Variants in PTAR1 observed in about 807,000 individuals in gnomAD.
The protein encoded by PTAR1 is protein prenyltransferase alpha subunit repeat-containing protein 1.
PTAR1 carries 17 observed loss-of-function variants against 45.5 expected under a neutral mutation model. The observed-to-expected ratio is 0.37, with a 90% CI of 0.26 to 0.56. The LOEUF (loss-of-function observed/expected upper bound fraction) is 0.56, where lower values mean the gene tolerates loss of function less well. PTAR1 is among the 20% of genes least tolerant of loss of function. PTAR1 has a pLI of 0.77. For synonymous variants in PTAR1, 169 were observed against 171.3 expected (o/e 0.99, Z 0.11); for missense variants, 391 against 476.3 (o/e 0.82, Z 1.67).
chr9:69,724,389 T>C (rs1159031177), intron 5 of PTAR1, among the ~76,000 whole-genome samples: 1 of 152,212 alleles, frequency 6.6e-6, no homozygotes, highest in African/African-American at 2.4e-5. Flanking sequence ...AATAATTTAT[T>C]TGAGAGTGTC....
At chr9:69,724,407 G>A (rs1307384269) in intron 5 of PTAR1, among the ~76,000 whole-genome samples, 1 of 152,156 alleles carries the variant, frequency 6.6e-6, no homozygotes, top group Non-Finnish European at 1.5e-5. Flanking sequence ...GTCTTGGACA[G>A]GTCGCAAACA....
chr9:69,739,320 C>T (rs1166197838), intron 3 of PTAR1, among the ~76,000 whole-genome samples: 3 of 150,866 alleles, frequency 2.0e-5, no homozygotes, highest in Non-Finnish European at 2.9e-5. Context: ...ACTCTAAGTA[C>T]ATAGACTGAT....
Position 69,732,309 on chromosome 9 carries a change from A to C in PTAR1, c.472T>G (p.Ser158Ala). The change falls in exon 5 of 8, where the codon TCC becomes GCC. Residue 158 changes from serine to alanine, a missense_variant. Coordinates refer to ENST00000340434, the MANE Select transcript of PTAR1 (RefSeq NM_001099666.2). ...QQLIQETSLP[S>A]FVTKGNLGTI... is the part of the protein sequence containing the mutation. ...CCCAAGTTTCCTTTGGTCACAAAGG[A>C]AGGCAAGGAGGTTTCCTGAATTAGC... The C allele has an allele frequency of 6.2e-7, 1 of 1,613,924 alleles. No individual in the cohort carries two copies. Among genetic ancestry groups the C allele is most frequent in the Non-Finnish European group, 8.5e-7 (1 of 1,179,820 alleles).
At chr9:69,744,944 T>C (rs1439755095) in intron 2 of PTAR1, among the ~76,000 whole-genome samples, 1 of 152,112 alleles carries the variant, frequency 6.6e-6, no homozygotes, top group East Asian at 1.9e-4. Context: ...CTTAAAGCCA[T>C]ACTACCTGGG....
At chr9:69,749,588 G>A (rs751737271) in intron 2 of PTAR1, among the ~76,000 whole-genome samples, 1 of 151,934 alleles carries the variant, frequency 6.6e-6, no homozygotes, top group Non-Finnish European at 1.5e-5. Context: ...ATATAACAAA[G>A]GACTGAGTGA....
intron 1 of PTAR1, among the ~76,000 whole-genome samples, chr9:69,751,745 C>G (rs1826545034): frequency 6.6e-6 from 1 of 151,816 alleles, no homozygotes; most frequent in African/African-American, 2.4e-5. Flanking sequence ...ATTTTTTCTT[C>G]TTTATATTTT....
Position 69,738,802 on chromosome 9 carries a change from C to T in PTAR1, c.323+2990G>A, listed in dbSNP as rs529203896. 5.7e-3 allele frequency among the ~76,000 whole-genome samples: 741 copies of T among 130,188 alleles called. 8 individuals are homozygous for T. Among genetic ancestry groups the T allele is most frequent in the African/African-American group, 0.019 (708 of 37,548 alleles). 85.4% of individuals were successfully genotyped at this position (130,188 alleles called of 152,430 possible). A position where few individuals can be genotyped will look rare whatever the true frequency, so the allele number is the denominator to read the frequency against. ...ATCTATATAAAAAAAATTTCCCTAA[C>T]ACCTCAATTTTTTTTTTTTTTTTTG... On this transcript the variant is annotated intron_variant, in intron 3 of 7. Transcript: ENST00000340434.
rs888579697 is a variant in PTAR1, at chr9:69,714,289, A to G, written c.*4053T>C. On this transcript the variant is annotated 3_prime_UTR_variant, in exon 8 of 8. Transcript: ENST00000340434. The stretch of plus-strand genomic sequence containing the variant: ...AAATATCTGTAAGTTTTAAAATATA[A>G]TTTTCCAGTAGCAAAATAATAGTTA... The G allele has an allele frequency of 6.6e-6, 1 of 151,682 alleles. No individual in the cohort carries two copies. The highest frequency in any genetic ancestry group is 2.4e-5 in the African/African-American group (1 of 41,264). 9.4% of individuals were successfully genotyped at this position (151,682 alleles called of 1,614,324 possible). A position where few individuals can be genotyped will look rare whatever the true frequency, so the allele number is the denominator to read the frequency against.
At chr9:69,728,573 A>G (rs1825391534) in intron 5 of PTAR1, among the ~76,000 whole-genome samples, 1 of 152,190 alleles carries the variant, frequency 6.6e-6, no homozygotes, top group South Asian at 2.1e-4. Flanking sequence ...CCCTAATAGT[A>G]AAGATGGTGA....
intron 5 of PTAR1, among the ~76,000 whole-genome samples, chr9:69,728,703 T>C (rs1172412909): frequency 2.6e-5 from 4 of 152,316 alleles, no homozygotes; most frequent in African/African-American, 9.6e-5. Context: ...ACTGTGAATC[T>C]TTCCTGCCAC....
At chr9:69,741,123 G>C (rs1372371848) in intron 3 of PTAR1, among the ~76,000 whole-genome samples, 1 of 152,086 alleles carries the variant, frequency 6.6e-6, no homozygotes, top group Non-Finnish European at 1.5e-5. Flanking sequence ...CTTGTCTCTA[G>C]CTATGCCAAC....
At position 69,734,179 on chromosome 9, in the gene PTAR1, A is replaced by T. The variant is rs767585777; in HGVS notation, c.399T>A (p.Phe133Leu). 14 of 1,590,718 alleles carry T rather than the reference A, an allele frequency of 8.8e-6. No individual in the cohort carries two copies. The highest frequency in any genetic ancestry group is 1.1e-5 in the Non-Finnish European group (13 of 1,163,166). ...LHLGKLALTK[F>L]PKSPETWIHR... ...GAATCCATGTTTCTGGACTCTTTGG[A>T]AACTTGGTTAAGGCGAGTTTTCCCA... Residue 133 changes from phenylalanine (F) to leucine (L), a missense_variant, in exon 4 of 8, where the codon TTT (phenylalanine) becomes TTA (leucine). This residue lies in a region of PTAR1 where 152 missense variants were observed against 160.0 expected (regional missense o/e 0.95). Coordinates refer to ENST00000340434, the MANE Select transcript of PTAR1 (RefSeq NM_001099666.2).
At chr9:69,735,936 T>TTA (rs147969476) in intron 3 of PTAR1, among the ~76,000 whole-genome samples, 4,641 of 148,648 alleles carry the variant, frequency 0.031, 238 homozygotes, top group African/African-American at 0.11. Flanking sequence ...CAATTTGTCA[T>TTA]TATATATATA....
chr9:69,733,602 T>A (rs1436649500), intron 4 of PTAR1, among the ~76,000 whole-genome samples: 1 of 152,172 alleles, frequency 6.6e-6, no homozygotes, highest in Non-Finnish European at 1.5e-5. Flanking sequence ...CCTAAAAATG[T>A]TCTTTGTATG....
chr9:69,724,721 C>T (rs1022040700), intron 5 of PTAR1, among the ~76,000 whole-genome samples: 2 of 152,176 alleles, frequency 1.3e-5, no homozygotes, highest in Non-Finnish European at 2.9e-5. Flanking sequence ...TCTCATTAAA[C>T]TCAGTGAGTG....
chr9:69,731,386 C>T (rs528639041), intron 5 of PTAR1, among the ~76,000 whole-genome samples: 3 of 152,174 alleles, frequency 2.0e-5, no homozygotes, highest in Admixed American at 6.5e-5. Context: ...GGCACTGTGA[C>T]GCCATCAGAA....
At chr9:69,759,766 G>A in intron 1 of PTAR1, 87 bp downstream of exon 1, 2 of 1,347,688 alleles carry the variant, frequency 1.5e-6, no homozygotes, top group Non-Finnish European at 9.9e-7. Context: ...CCCGCTGTCC[G>A]CCCGCCGCCC....
rs761554568 is a variant in PTAR1, at chr9:69,717,062, T to C, written c.*1280A>G. On this transcript the variant is annotated 3_prime_UTR_variant, in exon 8 of 8. Coordinates refer to ENST00000340434, the MANE Select transcript of PTAR1 (RefSeq NM_001099666.2). The stretch of plus-strand genomic sequence containing the variant: ...TACCTGAAAAACTCAGCCCTTGTTA[T>C]TGGAAACATAAGATACGGCTATAAT... The C allele has an allele frequency of 3.9e-5, 6 of 152,154 alleles. No homozygotes were observed. Among genetic ancestry groups the C allele is most frequent in the African/African-American group, 1.2e-4 (5 of 41,434 alleles). 9.4% of individuals were successfully genotyped at this position (152,154 alleles called of 1,614,324 possible). A position where few individuals can be genotyped will look rare whatever the true frequency, so the allele number is the denominator to read the frequency against.
intron 1 of PTAR1, among the ~76,000 whole-genome samples, chr9:69,751,262 C>CAA (rs1382315617): frequency 6.6e-6 from 1 of 151,596 alleles, no homozygotes; most frequent in Non-Finnish European, 1.5e-5. Flanking sequence ...TATCCTATGC[C>CAA]AAAATATGTG....
Sources: allele counts gnomAD v4.1 joint callset (sites outside exome capture counted in the v4.1 genomes callset), GRCh38; gene constraint gnomAD v4.1.1; regional missense constraint gnomAD v4.1.1; transcripts MANE v1.5; gene names NCBI Gene and HGNC (gene_info 2026-07-23, HGNC 2026-07-21).